Variants in OCA2 observed in about 807,000 individuals in gnomAD.
OCA2 encodes OCA2 melanosomal transmembrane protein, also known as P protein.
In OCA2, 77 loss-of-function variants were observed where a neutral mutation model predicts 100.2. That is an observed-to-expected ratio of 0.77 (90% CI 0.64 to 0.93). OCA2 has a LOEUF of 0.93. OCA2 is among the 40% of genes least tolerant of loss of function. OCA2 has a pLI of 0.00. For synonymous variants in OCA2, 432 were observed against 439.2 expected (o/e 0.98, Z 0.21); for missense variants, 1,062 against 1,089.1 (o/e 0.98, Z 0.35).
chr15:27,909,807 A>AT (rs2038317856), intron 19 of OCA2, among the ~76,000 whole-genome samples: 1 of 152,216 alleles, frequency 6.6e-6, no homozygotes, highest in Non-Finnish European at 1.5e-5. Context: ...GTAATGGGTG[A>AT]TTTTCTATTT....
intron 23 of OCA2, among the ~76,000 whole-genome samples, chr15:27,844,085 C>T (rs996301191): frequency 3.3e-5 from 5 of 152,224 alleles, no homozygotes; most frequent in African/African-American, 7.2e-5. Context: ...TCTGCCCCCT[C>T]ACCTGTTTGC....
At chr15:27,928,299 G>A (rs2039118830) in intron 18 of OCA2, among the ~76,000 whole-genome samples, 1 of 152,074 alleles carries the variant, frequency 6.6e-6, no homozygotes, top group African/African-American at 2.4e-5. Flanking sequence ...ACCAAAACTG[G>A]CTTCTTTCAA....
chr15:27,993,217 C>A (rs1868334), intron 9 of OCA2, among the ~76,000 whole-genome samples: 91,649 of 152,070 alleles, frequency 0.6, 31,825 homozygotes, highest in Non-Finnish European at 0.79. Flanking sequence ...TTATTGAGCA[C>A]CTACTGTGCA....
chr15:27,828,048 T>C (rs539131304), intron 23 of OCA2, among the ~76,000 whole-genome samples: 6 of 152,324 alleles, frequency 3.9e-5, no homozygotes, highest in African/African-American at 1.2e-4. Context: ...ATATCGTTCT[T>C]GTGAATGGCA....
intron 23 of OCA2, among the ~76,000 whole-genome samples, chr15:27,809,471 A>G (rs2033988714): frequency 6.6e-6 from 1 of 152,208 alleles, no homozygotes; most frequent in South Asian, 2.1e-4. Context: ...CAAGACAAGG[A>G]TGCTCTCTCT....
chr15:28,015,021 T>C (rs1239477527), intron 8 of OCA2, 92 bp from the exon 9 acceptor site: 14 of 1,356,232 alleles, frequency 1.0e-5, no homozygotes, highest in African/African-American at 7.2e-5. Flanking sequence ...AGAGTGCAAA[T>C]GGAACAATTC....
intron 22 of OCA2, among the ~76,000 whole-genome samples, chr15:27,846,194 A>G (rs978218196): frequency 7.2e-5 from 11 of 152,034 alleles, no homozygotes; most frequent in Admixed American, 2.0e-4. Context: ...GCACTGTTGC[A>G]CCAACGGTTC....
At chr15:27,752,381 G>A (rs895046477), downstream of OCA2, among the ~76,000 whole-genome samples, 2 of 152,158 alleles carry the variant, frequency 1.3e-5, no homozygotes, top group Admixed American at 6.5e-5. Flanking sequence ...ATAAGCACTG[G>A]ATTGTTCACC....
intron 23 of OCA2, among the ~76,000 whole-genome samples, chr15:27,775,879 C>A: frequency 6.6e-6 from 1 of 152,214 alleles, no homozygotes; most frequent in East Asian, 1.9e-4. Context: ...TTTTAACTAA[C>A]CACCTTGTAA....
At chr15:27,874,230 C>T (rs1298463567) in intron 19 of OCA2, among the ~76,000 whole-genome samples, 1 of 152,104 alleles carries the variant, frequency 6.6e-6, no homozygotes, top group Non-Finnish European at 1.5e-5. Flanking sequence ...TCTCTCTCCC[C>T]ACGAAAACAT....
At chr15:28,032,598 A>G (rs1045941658) in intron 2 of OCA2, among the ~76,000 whole-genome samples, 1 of 151,618 alleles carries the variant, frequency 6.6e-6, no homozygotes, top group Admixed American at 6.6e-5. Context: ...AGCCTGGCCA[A>G]CGTGGTGAAA....
At chr15:28,072,433 T>TA in intron 2 of OCA2, among the ~76,000 whole-genome samples, 1 of 151,470 alleles carries the variant, frequency 6.6e-6, no homozygotes, top group South Asian at 2.1e-4. Context: ...ACTAAAAATA[T>TA]AAAAAAATTA....
At chr15:27,987,912 AAAC>A (rs1408724565) in intron 11 of OCA2, among the ~76,000 whole-genome samples, 1 of 152,178 alleles carries the variant, frequency 6.6e-6, no homozygotes, top group Non-Finnish European at 1.5e-5. Context: ...AAACTATAGA[AAAC>A]AAAAATGTCC....
chr15:27,923,342 T>G (rs2038933868), intron 19 of OCA2, among the ~76,000 whole-genome samples: 1 of 152,212 alleles, frequency 6.6e-6, no homozygotes, highest in Non-Finnish European at 1.5e-5. Context: ...AGTACAAGAA[T>G]TTATATTCTT....
chr15:27,814,090 C>A (rs368262147), intron 23 of OCA2, among the ~76,000 whole-genome samples: 36 of 152,076 alleles, frequency 2.4e-4, no homozygotes, highest in African/African-American at 8.7e-4. Context: ...TTGAAACATA[C>A]AATCAATCAA....
At chr15:28,023,285 T>C (rs1311592647) in intron 5 of OCA2, among the ~76,000 whole-genome samples, 2 of 152,210 alleles carry the variant, frequency 1.3e-5, no homozygotes, top group Non-Finnish European at 2.9e-5. Context: ...GGTTTTCCAT[T>C]TCTAGCATAG....
intron 1 of OCA2, among the ~76,000 whole-genome samples, chr15:28,090,474 A>G (rs2044852368): frequency 6.6e-6 from 1 of 152,232 alleles, no homozygotes; most frequent in Non-Finnish European, 1.5e-5. Context: ...AACAAATTTA[A>G]AAGAATTGAA....
At chr15:27,986,752 C>T (rs2041367989) in intron 11 of OCA2, 109 bp from the exon 12 acceptor site, 5 of 782,484 alleles carry the variant, frequency 6.4e-6, no homozygotes, top group Non-Finnish European at 1.2e-5. Context: ...AAAGCCACCA[C>T]ATCACCAAGC....
In OCA2 at chr15:27,857,315, G is replaced by T. The variant is rs183665571; in HGVS notation, c.2245-5840C>A. On this transcript the variant is annotated intron_variant, in intron 21 of 23. Transcript: ENST00000354638. Reference sequence around the variant, plus strand: ...CGAAGAAAGGATCAGTGAACTTGAAGATACGACGTTTGAAATTATCAGGGC... The same window carrying T: ...CGAAGAAAGGATCAGTGAACTTGAATATACGACGTTTGAAATTATCAGGGC... Among the ~76,000 whole-genome samples, 35 of 152,348 alleles carry T rather than the reference G, an allele frequency of 2.3e-4. No individual in the cohort carries two copies. The East Asian group carries it at 6.5e-3, about 29-fold the overall frequency.
Sources: gnomAD v4.1 joint callset for allele counts (sites outside exome capture counted in the v4.1 genomes callset) on GRCh38, gnomAD v4.1.1 for gene constraint, MANE v1.5 for transcripts, NCBI Gene and HGNC (gene_info 2026-07-23, HGNC 2026-07-21) for gene names.